EEF1AKMT1: variants seen among roughly 807,000 people sequenced by gnomAD.
The protein encoded by EEF1AKMT1 is EEF1A lysine methyltransferase 1.
EEF1AKMT1 carries 18 observed loss-of-function variants against 21.0 expected under a neutral mutation model. The observed-to-expected ratio is 0.86, with a 90% CI of 0.59 to 1.27. The LOEUF (loss-of-function observed/expected upper bound fraction) is 1.27. Among genes scored for constraint, EEF1AKMT1 ranks in the 50% most tolerant of loss-of-function variants. EEF1AKMT1 has a pLI of 0.00. For synonymous variants in EEF1AKMT1, 109 were observed against 94.8 expected (o/e 1.15, Z -0.87); for missense variants, 246 against 258.6 (o/e 0.95, Z 0.33).
intron 1 of EEF1AKMT1, among the ~76,000 whole-genome samples, chr13:20,758,884 G>T (rs1292294717): frequency 6.6e-6 from 1 of 152,084 alleles, no homozygotes; most frequent in Non-Finnish European, 1.5e-5. Context: ...ACAATCAACT[G>T]GTCTTCGATC....
intron 2 of EEF1AKMT1, among the ~76,000 whole-genome samples, chr13:20,746,245 C>G (rs1235368085): frequency 6.6e-6 from 1 of 152,042 alleles, no homozygotes; most frequent in Non-Finnish European, 1.5e-5. Flanking sequence ...CTCCACTTCC[C>G]AGGTTCAAGT....
At chr13:20,736,714 G>A (rs984122308) in intron 3 of EEF1AKMT1, among the ~76,000 whole-genome samples, 1 of 146,130 alleles carries the variant, frequency 6.8e-6, no homozygotes, top group Non-Finnish European at 1.5e-5. Flanking sequence ...AATACATTAA[G>A]CCTTTTAGAA....
chr13:20,742,520 G>A (rs1231709734), intron 2 of EEF1AKMT1, among the ~76,000 whole-genome samples: 2 of 152,160 alleles, frequency 1.3e-5, no homozygotes, highest in African/African-American at 4.8e-5. Flanking sequence ...TCACATCTGA[G>A]TACAGATAAA....
chr13:20,773,909 C>T lies in EEF1AKMT1; in HGVS notation c.-20+12G>A, dbSNP rs1329626626. 3.3e-5 allele frequency: 5 copies of T among 152,488 alleles called. No individual in the cohort carries two copies. The highest frequency in any genetic ancestry group is 9.6e-5 in the African/African-American group (4 of 41,472). The allele number at this position is 152,488 out of a possible 1,614,324, so 9.4% of individuals were successfully genotyped here. On this transcript the variant is annotated intron_variant, in intron 1 of 4. Coordinates refer to ENST00000382758, the MANE Select transcript of EEF1AKMT1 (RefSeq NM_001318939.2). ...AGCCAACCCTACAGCTGCGCCCGAA[C>T]CCGCCACTCACCAGCCGCGCGTGCG... is the stretch of plus-strand genomic sequence containing the variant.
intron 1 of EEF1AKMT1, among the ~76,000 whole-genome samples, chr13:20,759,743 C>G (rs746509650): frequency 9.6e-4 from 146 of 152,210 alleles, no homozygotes; most frequent in Non-Finnish European, 1.6e-3. Context: ...CACTAATTAT[C>G]AGAGAAGTGC....
chr13:20,730,968 C>T (rs561378710), intron 4 of EEF1AKMT1, among the ~76,000 whole-genome samples: 50 of 152,242 alleles, frequency 3.3e-4, no homozygotes, highest in African/African-American at 1.1e-3. Flanking sequence ...AAGGGTCTGC[C>T]GCTTCTTTCC....
chr13:20,753,435 G>A (rs1366944713), intron 2 of EEF1AKMT1, among the ~76,000 whole-genome samples: 4 of 152,170 alleles, frequency 2.6e-5, no homozygotes, highest in African/African-American at 7.2e-5. Flanking sequence ...TTCTACAAAC[G>A]TCTCTTAAGT....
intron 1 of EEF1AKMT1, among the ~76,000 whole-genome samples, chr13:20,758,256 C>G (rs1379722630): frequency 6.6e-6 from 1 of 152,086 alleles, no homozygotes; most frequent in African/African-American, 2.4e-5. Flanking sequence ...TCTCCAGAAC[C>G]CCTTATCTTA....
intron 2 of EEF1AKMT1, among the ~76,000 whole-genome samples, chr13:20,738,331 T>C (rs755033204): frequency 2.0e-5 from 3 of 152,242 alleles, no homozygotes; most frequent in Non-Finnish European, 4.4e-5. Context: ...AAGTTTGTTT[T>C]TCATCTTGCT....
intron 1 of EEF1AKMT1, among the ~76,000 whole-genome samples, chr13:20,763,570 A>C (rs867507401): frequency 6.6e-6 from 1 of 151,750 alleles, no homozygotes; most frequent in African/African-American, 2.4e-5. Flanking sequence ...TTCCAGCCTC[A>C]GCCTCCCAAA....
At chr13:20,755,004 A>G (rs2058964227) in intron 2 of EEF1AKMT1, among the ~76,000 whole-genome samples, 1 of 152,240 alleles carries the variant, frequency 6.6e-6, no homozygotes, top group Admixed American at 6.5e-5. Flanking sequence ...AGGTGGGAAC[A>G]GCAGTAGCTG....
intron 4 of EEF1AKMT1, among the ~76,000 whole-genome samples, chr13:20,731,410 A>AG (rs1246536235): frequency 5.3e-5 from 8 of 152,218 alleles, no homozygotes; most frequent in Non-Finnish European, 8.8e-5. Flanking sequence ...GGTTACAGAG[A>AG]GAAAAAAAGT....
chr13:20,750,676 A>G (rs1343775731), intron 2 of EEF1AKMT1, among the ~76,000 whole-genome samples: 1 of 152,116 alleles, frequency 6.6e-6, no homozygotes, highest in Non-Finnish European at 1.5e-5. Flanking sequence ...TTGATATACT[A>G]ATTTCTTTTC....
At chr13:20,738,530 C>T (rs2058841050) in intron 2 of EEF1AKMT1, among the ~76,000 whole-genome samples, 1 of 152,204 alleles carries the variant, frequency 6.6e-6, no homozygotes, top group Non-Finnish European at 1.5e-5. Context: ...TTGCATGGGG[C>T]ATGCCAACTG....
intron 2 of EEF1AKMT1, among the ~76,000 whole-genome samples, chr13:20,744,771 T>C (rs78027878): frequency 0.042 from 6,346 of 152,078 alleles, 307 homozygotes; most frequent in African/African-American, 0.11. Context: ...GCCTATGTCC[T>C]GAATGGTATT....
intron 1 of EEF1AKMT1, among the ~76,000 whole-genome samples, chr13:20,766,393 A>T (rs2141439407): frequency 6.6e-6 from 1 of 152,264 alleles, no homozygotes; most frequent in South Asian, 2.1e-4. Flanking sequence ...CAACCATTAG[A>T]CAGTATATAA....
intron 1 of EEF1AKMT1, among the ~76,000 whole-genome samples, chr13:20,771,689 A>C (rs1193532270): frequency 6.6e-6 from 1 of 152,256 alleles, no homozygotes; most frequent in African/African-American, 2.4e-5. Flanking sequence ...AGGAAAACTG[A>C]AATCTGTTAG....
At chr13:20,743,023 A>C (rs1442547706) in intron 2 of EEF1AKMT1, among the ~76,000 whole-genome samples, 1 of 151,882 alleles carries the variant, frequency 6.6e-6, no homozygotes, top group Non-Finnish European at 1.5e-5. Flanking sequence ...TTGTTTTTCT[A>C]CCTTAGATCA....
intron 2 of EEF1AKMT1, among the ~76,000 whole-genome samples, chr13:20,739,111 A>G (rs1269950117): frequency 6.6e-6 from 1 of 152,080 alleles, no homozygotes; most frequent in African/African-American, 2.4e-5. Flanking sequence ...ACCTTCGCCA[A>G]GAGGATTACA....
Sources: allele counts gnomAD v4.1 joint callset (sites outside exome capture counted in the v4.1 genomes callset), GRCh38; gene constraint gnomAD v4.1.1; transcripts MANE v1.5; gene names NCBI Gene and HGNC (gene_info 2026-07-23, HGNC 2026-07-21).